The following UNC5C variants were observed in gnomAD, a reference collection of about 807,000 sequenced individuals.
The protein encoded by UNC5C is netrin receptor UNC5C.
In UNC5C, 47 loss-of-function variants were observed where a neutral mutation model predicts 99.8. The observed-to-expected ratio is 0.47, with a 90% confidence interval of 0.37 to 0.60. The LOEUF is 0.60. Ranked by LOEUF, UNC5C falls within the 20% of genes least tolerant of loss-of-function variation. UNC5C has a pLI of 0.00. For missense variants in UNC5C, 1,062 were observed against 1,165.9 expected (o/e 0.91, Z 1.30); for synonymous variants, 487 against 452.2 (o/e 1.08, Z -0.98).
chr4:95,203,940 C>A (rs1251152256), intron 11 of UNC5C, among the ~76,000 whole-genome samples: 1 of 152,040 alleles, frequency 6.6e-6, no homozygotes, highest in Non-Finnish European at 1.5e-5. Flanking sequence ...ATTGGCCAAG[C>A]AGGCAGCTGT....
chr4:95,203,922 A>C (rs1560731095), intron 11 of UNC5C, among the ~76,000 whole-genome samples: 1 of 152,008 alleles, frequency 6.6e-6, no homozygotes, highest in Non-Finnish European at 1.5e-5. Flanking sequence ...CTGATGGCTG[A>C]GCAGAGGATT....
intron 2 of UNC5C, among the ~76,000 whole-genome samples, chr4:95,333,577 G>T (rs967803693): frequency 1.6e-5 from 2 of 123,160 alleles, no homozygotes; most frequent in African/African-American, 3.1e-5. Context: ...ATTGTGGGGT[G>T]GGGGGAGGGG....
intron 1 of UNC5C, among the ~76,000 whole-genome samples, chr4:95,340,822 A>G (rs766535517): frequency 1.6e-4 from 24 of 152,090 alleles, no homozygotes; most frequent in Non-Finnish European, 2.9e-4. Flanking sequence ...TAATTAATCT[A>G]TCCTCCTAAG....
intron 14 of UNC5C, among the ~76,000 whole-genome samples, chr4:95,178,330 CT>C (rs1361431110): frequency 1.3e-5 from 2 of 152,224 alleles, no homozygotes; most frequent in Non-Finnish European, 2.9e-5. Context: ...TGGGGCCCCC[CT>C]GGGCGAGCAT....
intron 1 of UNC5C, among the ~76,000 whole-genome samples, chr4:95,478,034 A>C (rs1720996636): frequency 6.6e-6 from 1 of 152,034 alleles, no homozygotes; most frequent in Non-Finnish European, 1.5e-5. Flanking sequence ...ACAAAATGTT[A>C]TGAATATTGT....
At chr4:95,356,794 G>T (rs1001067184) in intron 1 of UNC5C, among the ~76,000 whole-genome samples, 3 of 152,148 alleles carry the variant, frequency 2.0e-5, no homozygotes, top group Non-Finnish European at 4.4e-5. Flanking sequence ...AAAACTGTAG[G>T]GTGGGAAAAC....
At chr4:95,535,162 T>C (rs537812160) in intron 1 of UNC5C, among the ~76,000 whole-genome samples, 6 of 152,278 alleles carry the variant, frequency 3.9e-5, no homozygotes, top group African/African-American at 1.2e-4. Context: ...TAAACTTGCT[T>C]ATTCATAAAA....
At chr4:95,277,860 C>T (rs1740917391) in intron 4 of UNC5C, among the ~76,000 whole-genome samples, 1 of 152,118 alleles carries the variant, frequency 6.6e-6, no homozygotes, top group Non-Finnish European at 1.5e-5. Flanking sequence ...ATGTAAGGTG[C>T]ACAGGCTCAC....
intron 1 of UNC5C, among the ~76,000 whole-genome samples, chr4:95,509,925 G>A (rs553771939): frequency 1.6e-4 from 24 of 151,908 alleles, no homozygotes; most frequent in Middle Eastern, 3.4e-3. Context: ...GTTTCACGTC[G>A]ATAATTACAA....
intron 12 of UNC5C, 147 bp from the exon 13 acceptor site, chr4:95,185,343 A>G (rs1736790123): frequency 1.1e-6 from 1 of 910,278 alleles, no homozygotes; most frequent in African/African-American, 1.7e-5. Context: ...CAGCCTCGAG[A>G]CCCTCTAACT....
chr4:95,258,054 A>C (rs1412409081), intron 4 of UNC5C, among the ~76,000 whole-genome samples: 2 of 152,232 alleles, frequency 1.3e-5, no homozygotes, highest in African/African-American at 2.4e-5. Flanking sequence ...CTTTTCATGC[A>C]GTATTTCCAG....
intron 1 of UNC5C, among the ~76,000 whole-genome samples, chr4:95,523,036 C>T (rs1722400873): frequency 6.6e-6 from 1 of 152,124 alleles, no homozygotes. Flanking sequence ...AAGAGCTCCA[C>T]AGAGGGAGTC....
In UNC5C at chr4:95,466,306, C is replaced by T. The variant is rs562243417; in HGVS notation, c.124+82428G>A. Among the ~76,000 whole-genome samples the T allele has an allele frequency of 6.6e-5, 10 of 152,024 alleles. No homozygotes were observed. The East Asian group carries it at 9.7e-4, about 15-fold the overall frequency. On this transcript the variant is annotated intron_variant, in intron 1 of 15. Transcript: ENST00000453304. ...AAATAGGCAAAAATCCTGGCCGTTGCGGAGCTTAAAATCTAGTGAAGGTAA... is the reference window on the plus strand; with the variant it reads ...AAATAGGCAAAAATCCTGGCCGTTGTGGAGCTTAAAATCTAGTGAAGGTAA...
At chr4:95,235,729 G>T (rs1296341171) in intron 7 of UNC5C, among the ~76,000 whole-genome samples, 1 of 152,118 alleles carries the variant, frequency 6.6e-6, no homozygotes, top group Non-Finnish European at 1.5e-5. Context: ...AGCACCATTT[G>T]TTAAATCGGG....
At chr4:95,482,402 C>G (rs1449930721) in intron 1 of UNC5C, among the ~76,000 whole-genome samples, 1 of 151,780 alleles carries the variant, frequency 6.6e-6, no homozygotes, top group East Asian at 1.9e-4. Flanking sequence ...CACTTTTATA[C>G]TGTTGGTGGG....
intron 1 of UNC5C, among the ~76,000 whole-genome samples, chr4:95,523,622 T>G (rs1365620018): frequency 2.0e-5 from 3 of 152,162 alleles, no homozygotes; most frequent in Admixed American, 6.5e-5. Context: ...AAAATTATTC[T>G]GCTAGTTTCA....
At chr4:95,474,405 C>T (rs920675097) in intron 1 of UNC5C, among the ~76,000 whole-genome samples, 7 of 152,140 alleles carry the variant, frequency 4.6e-5, no homozygotes, top group African/African-American at 1.7e-4. Context: ...ATTCTCCTGC[C>T]TCAGCCTCCC....
intron 1 of UNC5C, among the ~76,000 whole-genome samples, chr4:95,428,279 G>A (rs1221925545): frequency 6.6e-6 from 1 of 151,918 alleles, no homozygotes; most frequent in African/African-American, 2.4e-5. Flanking sequence ...CGTAATCTTG[G>A]CACATATTCA....
At chr4:95,433,826 C>T (rs1016485233) in intron 1 of UNC5C, among the ~76,000 whole-genome samples, 2 of 152,052 alleles carry the variant, frequency 1.3e-5, no homozygotes, top group African/African-American at 2.4e-5. Flanking sequence ...TCTCTACTCA[C>T]GATGCCAGCC....
Sources: gnomAD v4.1 joint callset for allele counts (sites outside exome capture counted in the v4.1 genomes callset) on GRCh38, gnomAD v4.1.1 for gene constraint, MANE v1.5 for transcripts, NCBI Gene and HGNC (gene_info 2026-07-23, HGNC 2026-07-21) for gene names.